Variants in NOL4 observed in about 807,000 individuals in gnomAD.
NOL4 encodes the protein nucleolar protein 4.
Under a neutral mutation model 75.9 loss-of-function variants are expected in NOL4, and 17 were observed. That is an observed-to-expected ratio of 0.22 (90% CI 0.15 to 0.34). NOL4 has a LOEUF of 0.34. Among genes scored for constraint, NOL4 ranks in the 10% least tolerant of loss-of-function variants. The pLI, the probability that NOL4 is intolerant of heterozygous loss-of-function variation, is 1.00. For synonymous variants in NOL4, 292 were observed against 289.9 expected (o/e 1.01, Z -0.07); for missense variants, 614 against 793.5 (o/e 0.77, Z 2.72).
chr18:34,122,635 C>T (rs1483525756), intron 2 of NOL4, among the ~76,000 whole-genome samples: 10 of 152,068 alleles, frequency 6.6e-5, no homozygotes, highest in Non-Finnish European at 1.5e-4. Context: ...ACATGTAGAA[C>T]TTACACTATC....
intron 1 of NOL4, among the ~76,000 whole-genome samples, chr18:34,187,786 A>G (rs1252198939): frequency 6.6e-6 from 1 of 152,204 alleles, no homozygotes; most frequent in African/African-American, 2.4e-5. Flanking sequence ...GGTTTTAAAA[A>G]TTTATTTAAA....
chr18:34,220,580 T>C (rs988400614), intron 1 of NOL4, among the ~76,000 whole-genome samples: 11 of 152,206 alleles, frequency 7.2e-5, no homozygotes, highest in African/African-American at 2.7e-4. Context: ...ATTTGAAATG[T>C]AGGGAAACAC....
At chr18:33,919,552 G>C (rs1385811399) in intron 9 of NOL4, among the ~76,000 whole-genome samples, 1 of 152,112 alleles carries the variant, frequency 6.6e-6, no homozygotes, top group Non-Finnish European at 1.5e-5. Context: ...AAACAATGGG[G>C]CACATAAACA....
At chr18:33,866,421 G>A (rs1328363898) in intron 10 of NOL4, among the ~76,000 whole-genome samples, 2 of 151,956 alleles carry the variant, frequency 1.3e-5, no homozygotes, top group African/African-American at 2.4e-5. Flanking sequence ...AATTGCTGTT[G>A]AACATCTCAG....
At chr18:33,902,703 C>T (rs1231450694) in intron 9 of NOL4, among the ~76,000 whole-genome samples, 1 of 152,050 alleles carries the variant, frequency 6.6e-6, no homozygotes, top group East Asian at 1.9e-4. Context: ...TCAAGTTTGA[C>T]TTCCAGGTTA....
chr18:33,949,210 C>T (rs891508848), intron 8 of NOL4, among the ~76,000 whole-genome samples: 3 of 152,012 alleles, frequency 2.0e-5, no homozygotes, highest in African/African-American at 7.2e-5. Context: ...AGATTTCAGA[C>T]AAACTGGTGA....
intron 2 of NOL4, among the ~76,000 whole-genome samples, chr18:34,126,925 TACAG>T (rs1202752411): frequency 6.6e-6 from 1 of 151,950 alleles, no homozygotes; most frequent in African/African-American, 2.4e-5. Context: ...AAGAGTAGAC[TACAG>T]ACAAATATAC....
chr18:33,999,436 A>G (rs148853486), intron 6 of NOL4, among the ~76,000 whole-genome samples: 1 of 152,232 alleles, frequency 6.6e-6, no homozygotes, highest in Non-Finnish European at 1.5e-5. Context: ...TTTCTAAGGC[A>G]ATTATGAATG....
chr18:34,016,274 G>A (rs2074688262), intron 6 of NOL4, among the ~76,000 whole-genome samples: 2 of 151,946 alleles, frequency 1.3e-5, no homozygotes, highest in Non-Finnish European at 2.9e-5. Context: ...CTCCTGGATT[G>A]CCACAATAGC....
chr18:34,028,594 T>C (rs1339838833), intron 5 of NOL4, among the ~76,000 whole-genome samples: 1 of 152,028 alleles, frequency 6.6e-6, no homozygotes, highest in Non-Finnish European at 1.5e-5. Context: ...ACCGGAAAAA[T>C]GAATTAGGCC....
At chr18:34,177,731 T>C (rs1432397161) in intron 1 of NOL4, among the ~76,000 whole-genome samples, 1 of 151,748 alleles carries the variant, frequency 6.6e-6, no homozygotes, top group Non-Finnish European at 1.5e-5. Flanking sequence ...CTAAAGAAAA[T>C]AATCCTGTCA....
intron 1 of NOL4, among the ~76,000 whole-genome samples, chr18:34,167,561 T>TAGAC (rs1555745727): frequency 1.2e-3 from 179 of 150,696 alleles, no homozygotes; most frequent in African/African-American, 3.8e-3. Context: ...GATAGATAGA[T>TAGAC]AGACAGACAG....
chr18:33,854,426 C>T (rs574085710), intron 10 of NOL4, among the ~76,000 whole-genome samples: 164 of 152,178 alleles, frequency 1.1e-3, no homozygotes, highest in Admixed American at 3.0e-3. Context: ...GACTTAGGTT[C>T]CATTTGTTCT....
intron 9 of NOL4, among the ~76,000 whole-genome samples, chr18:33,924,670 T>C (rs1320794018): frequency 2.0e-5 from 3 of 152,230 alleles, no homozygotes; most frequent in Non-Finnish European, 4.4e-5. Flanking sequence ...CAAAGTGATA[T>C]AAAATTGTCG....
At chr18:34,026,651 T>A (rs995019115) in intron 5 of NOL4, among the ~76,000 whole-genome samples, 8 of 152,160 alleles carry the variant, frequency 5.3e-5, no homozygotes, top group Non-Finnish European at 8.8e-5. Context: ...GCCTCAAGAC[T>A]TTTGTCTAAA....
At chr18:34,170,296 G>A (rs762524773) in intron 1 of NOL4, among the ~76,000 whole-genome samples, 7 of 151,794 alleles carry the variant, frequency 4.6e-5, no homozygotes, top group Non-Finnish European at 1.0e-4. Flanking sequence ...TCCTGCCTCA[G>A]CCTCCCGAGT....
chr18:34,092,655 T>C (rs2078582708), intron 5 of NOL4, among the ~76,000 whole-genome samples: 1 of 152,198 alleles, frequency 6.6e-6, no homozygotes, highest in African/African-American at 2.4e-5. Context: ...TATGAACTTG[T>C]TAAATACAGA....
chr18:34,038,716 A>G (rs943735464), intron 5 of NOL4, among the ~76,000 whole-genome samples: 3 of 152,110 alleles, frequency 2.0e-5, no homozygotes, highest in African/African-American at 4.8e-5. Flanking sequence ...ACAGAATGAT[A>G]GATACCAGAG....
At chr18:34,159,213 G>A (rs1263171499) in intron 1 of NOL4, among the ~76,000 whole-genome samples, 1 of 152,180 alleles carries the variant, frequency 6.6e-6, no homozygotes, top group African/African-American at 2.4e-5. Flanking sequence ...CCGACCTGCA[G>A]GCGCGCTAAG....
Sources: allele counts gnomAD v4.1 joint callset (sites outside exome capture counted in the v4.1 genomes callset), GRCh38; gene constraint gnomAD v4.1.1; transcripts MANE v1.5; gene names NCBI Gene and HGNC (gene_info 2026-07-23, HGNC 2026-07-21).